RAPGEF6: variants seen among roughly 807,000 people sequenced by gnomAD.
The protein encoded by RAPGEF6 is Rap guanine nucleotide exchange factor 6.
In RAPGEF6, 56 loss-of-function variants were observed where a neutral mutation model predicts 171.4. That is an observed-to-expected ratio of 0.33 (90% confidence interval 0.26 to 0.41). RAPGEF6 has a LOEUF of 0.41. Among genes scored for constraint, RAPGEF6 ranks in the 10% least tolerant of loss-of-function variants. The pLI, the probability that RAPGEF6 is intolerant of heterozygous loss-of-function variation, is 1.00. For synonymous variants in RAPGEF6, 692 were observed against 650.1 expected (o/e 1.06, Z -0.98); for missense variants, 1,674 against 1,921.4 (o/e 0.87, Z 2.41).
Position 131,464,230 on chromosome 5 carries a change from T to C in RAPGEF6, c.2291A>G (p.Tyr764Cys), listed in dbSNP as rs762204433. The C allele has an allele frequency of 6.2e-7, 1 of 1,613,700 alleles. No individual in the cohort carries two copies. Among genetic ancestry groups the C allele is most frequent in the Admixed American group, 1.7e-5 (1 of 60,000 alleles). The change falls in exon 18 of 28, where the codon TAC (tyrosine) becomes TGC (cysteine). Residue 764 changes from tyrosine to cysteine, a missense_variant. Tyr to Cys is a radical substitution (Grantham distance 194, BLOSUM62 -2). This residue lies in a region of RAPGEF6 where 1,116 missense variants were observed against 1,321.5 expected (regional missense o/e 0.84). Transcript: ENST00000509018. ...TGTGGTGTCTTTACTGATGATAATG[T>C]AGCAACTTTGCTGATCCACTTTGAA... Reference protein sequence around the residue: ...RVFKVDQQSCYIIISKDTTAK... With the variant: ...RVFKVDQQSCCIIISKDTTAK...
intron 5 of RAPGEF6, among the ~76,000 whole-genome samples, chr5:131,548,654 G>GGC (rs2149950155): frequency 6.6e-6 from 1 of 152,304 alleles, no homozygotes; most frequent in East Asian, 1.9e-4. Context: ...ACAGCCACAA[G>GGC]TAAGGCTGGC....
At chr5:131,523,279 C>CTTTTT (rs1171953953) in intron 6 of RAPGEF6, among the ~76,000 whole-genome samples, 2 of 66,644 alleles carry the variant, frequency 3.0e-5, no homozygotes, top group African/African-American at 1.4e-4. Flanking sequence ...CTGTTGTATG[C>CTTTTT]TTTTTTTTTT....
intron 21 of RAPGEF6, chr5:131,450,189 A>C (rs1277156866): frequency 2.4e-6 from 2 of 835,380 alleles, no homozygotes; most frequent in South Asian, 3.2e-5. Flanking sequence ...CTTAACAGTA[A>C]AATGACTTTA....
intron 20 of RAPGEF6, 50 bp downstream of exon 20, chr5:131,455,751 G>C (rs1170197345): frequency 1.5e-5 from 23 of 1,488,750 alleles, no homozygotes; most frequent in Non-Finnish European, 2.1e-5. Flanking sequence ...AATTCAGGTA[G>C]ACTTTAGATA....
At chr5:131,469,168 A>T (rs940328094) in intron 17 of RAPGEF6, among the ~76,000 whole-genome samples, 1 of 152,240 alleles carries the variant, frequency 6.6e-6, no homozygotes. Context: ...GAAACAGTTA[A>T]GTGGAAGAAA....
At chr5:131,602,795 T>A (rs987769908) in intron 3 of RAPGEF6, among the ~76,000 whole-genome samples, 1 of 151,836 alleles carries the variant, frequency 6.6e-6, no homozygotes, top group Non-Finnish European at 1.5e-5. Context: ...AAAAGAAAAC[T>A]AGAAATAACC....
rs894488775 is a variant in RAPGEF6 at position 131,429,163 on chromosome 5, T to C, written c.4519A>G (p.Thr1507Ala). 1 of 1,613,590 alleles carries C rather than the reference T, an allele frequency of 6.2e-7. No individual in the cohort carries two copies. Among genetic ancestry groups the C allele is most frequent in the African/African-American group, 1.3e-5 (1 of 74,900 alleles). The change falls in exon 27 of 28, where the codon ACT becomes GCT. Residue 1507 changes from threonine to alanine, a missense_variant. Coordinates refer to ENST00000509018, the MANE Select transcript of RAPGEF6 (RefSeq NM_016340.6). ...KDDRYREPPP[T>A]PPGYLGISLA... The stretch of plus-strand genomic sequence containing the variant: ...GAAATCCCCAAATATCCTGGAGGAG[T>C]GGGAGGTGGCTCCCTATACCTATCG...
chr5:131,482,572 G>T (rs1429350388), intron 15 of RAPGEF6, among the ~76,000 whole-genome samples: 2 of 152,154 alleles, frequency 1.3e-5, no homozygotes, highest in Non-Finnish European at 2.9e-5. Context: ...CAAAGTGATG[G>T]GATTACAGGG....
At chr5:131,518,386 G>GT (rs1750890015) in intron 7 of RAPGEF6, among the ~76,000 whole-genome samples, 1 of 139,688 alleles carries the variant, frequency 7.2e-6, no homozygotes, top group Non-Finnish European at 1.5e-5. Flanking sequence ...TAACTGTTAT[G>GT]TCAGAGTTTG....
intron 6 of RAPGEF6, among the ~76,000 whole-genome samples, chr5:131,541,528 T>C (rs1464547407): frequency 6.6e-6 from 1 of 152,058 alleles, no homozygotes; most frequent in Non-Finnish European, 1.5e-5. Context: ...TTTTTTTTTT[T>C]CTTTTTTTTG....
rs1757490102 is a variant in RAPGEF6 at position 131,508,216 on chromosome 5, A to C, written c.806-9T>G. The stretch of plus-strand genomic sequence containing the variant: ...AAACTCCAGCAATTGTTCTATAAGA[A>C]AACAGAAATTCTGGTATAAAGACCA... On this transcript the variant is annotated splice_polypyrimidine_tract_variant and intron_variant, in intron 8 of 27. Transcript: ENST00000509018. 1 of 1,600,376 alleles carries C rather than the reference A, an allele frequency of 6.2e-7. No individual in the cohort carries two copies. The highest frequency in any genetic ancestry group is 1.7e-5 in the Admixed American group (1 of 57,346).
chr5:131,594,279 A>G (rs1195436669), intron 3 of RAPGEF6, among the ~76,000 whole-genome samples: 4 of 152,260 alleles, frequency 2.6e-5, no homozygotes, highest in African/African-American at 7.2e-5. Context: ...GGCCAACAGT[A>G]TAGCTCAAGC....
In RAPGEF6 at chr5:131,521,436, C is replaced by T; in HGVS notation, c.581G>A (p.Ser194Asn). Residue 194 changes from serine (S) to asparagine (N), a missense_variant, in exon 7 of 28, where the codon AGC (serine) becomes AAC (asparagine). This residue lies in a region of RAPGEF6 where 1,116 missense variants were observed against 1,321.5 expected (regional missense o/e 0.84). Transcript: ENST00000509018. ...GCTGCTTCCAGAGTCACTGGCAATG[C>T]TACAACCAGACTGACTAGAAGACAC... Reference protein sequence around the residue: ...THVSSSQSGCSIASDSGSSSL... With the variant: ...THVSSSQSGCNIASDSGSSSL... 1 of 1,612,260 alleles carries T rather than the reference C, an allele frequency of 6.2e-7. No homozygotes were observed. Among genetic ancestry groups the T allele is most frequent in the Non-Finnish European group, 8.5e-7 (1 of 1,178,912 alleles).
chr5:131,563,873 C>A (rs1235998270), intron 4 of RAPGEF6, among the ~76,000 whole-genome samples: 1 of 152,086 alleles, frequency 6.6e-6, no homozygotes, highest in East Asian at 1.9e-4. Flanking sequence ...TCACCTAATA[C>A]ATTTAAAAAA....
At position 131,610,381 on chromosome 5, in the gene RAPGEF6, C is replaced by A. The variant is rs528583264; in HGVS notation, c.70-5688G>T. 1.7e-4 allele frequency among the ~76,000 whole-genome samples: 26 copies of A among 152,270 alleles called. No individual in the cohort carries two copies. In the East Asian group the frequency reaches 5.0e-3, roughly 29 times the overall value. ...TTAAACACCAGGGCCCAAGAATCAG[C>A]AGGTAAGAAGAGTTGCCATTTTGGC... On this transcript the variant is annotated intron_variant, in intron 1 of 27. Coordinates refer to ENST00000509018, the MANE Select transcript of RAPGEF6 (RefSeq NM_016340.6).
intron 1 of RAPGEF6, among the ~76,000 whole-genome samples, chr5:131,611,107 C>T (rs1029583965): frequency 3.6e-4 from 55 of 152,198 alleles, no homozygotes; most frequent in African/African-American, 1.3e-3. Context: ...TGTTACAGTG[C>T]AGTCTAAGGC....
intron 1 of RAPGEF6, among the ~76,000 whole-genome samples, chr5:131,633,189 G>A (rs1431250993): frequency 1.3e-5 from 2 of 152,048 alleles, no homozygotes; most frequent in Admixed American, 1.3e-4. Context: ...AAAATTAGCT[G>A]GGCATAGTGG....
intron 4 of RAPGEF6, among the ~76,000 whole-genome samples, chr5:131,565,447 T>A (rs1761874008): frequency 6.6e-6 from 1 of 152,172 alleles, no homozygotes; most frequent in Non-Finnish European, 1.5e-5. Flanking sequence ...ACAGATTCAA[T>A]ACAATCACAA....
chr5:131,487,213 C>T (rs530385102), intron 15 of RAPGEF6, among the ~76,000 whole-genome samples: 16 of 152,302 alleles, frequency 1.1e-4, no homozygotes, highest in African/African-American at 1.2e-4. Flanking sequence ...AATGAAGCCG[C>T]GGACCTTCGC....
Sources: gnomAD v4.1 joint callset for allele counts (sites outside exome capture counted in the v4.1 genomes callset) on GRCh38, gnomAD v4.1.1 for gene constraint, gnomAD v4.1.1 regional missense constraint, MANE v1.5 for transcripts, NCBI Gene and HGNC (gene_info 2026-07-23, HGNC 2026-07-21) for gene names.